Variants in MYO6 observed in about 807,000 individuals in gnomAD.
The protein encoded by MYO6 is unconventional myosin-VI.
A neutral mutation model predicts 178.7 loss-of-function variants in MYO6; 74 were observed. The ratio of observed to expected loss-of-function variants is 0.41; its 90% CI spans 0.34 to 0.50. MYO6 has a LOEUF of 0.50. MYO6 is among the 20% of genes least tolerant of loss of function. MYO6 has a pLI of 0.09. For missense variants in MYO6, 1,330 were observed against 1,547.4 expected (o/e 0.86, Z 2.36); for synonymous variants, 477 against 504.6 (o/e 0.95, Z 0.73).
At chr6:75,894,695 A>T (rs991923423) in intron 28 of MYO6, 17 of 579,914 alleles carry the variant, frequency 2.9e-5, no homozygotes, top group Non-Finnish European at 4.4e-5. Flanking sequence ...TATGAGTAAG[A>T]ACTAAGTAAA....
chr6:75,859,470 T>A (rs1776008102), intron 14 of MYO6, among the ~76,000 whole-genome samples: 1 of 151,128 alleles, frequency 6.6e-6, no homozygotes, highest in South Asian at 2.1e-4. Flanking sequence ...CAACAAATTT[T>A]TGTATTTTTA....
intron 25 of MYO6, among the ~76,000 whole-genome samples, chr6:75,887,760 TCAGGAGATTGAGAC>T (rs1449852103): frequency 7.7e-6 from 1 of 129,836 alleles, no homozygotes; most frequent in East Asian, 2.4e-4. Context: ...GATCACAAGG[TCAGGAGATTGAGAC>T]CATCCTGGCT....
At chr6:75,874,199 A>G (rs1054806619) in intron 20 of MYO6, among the ~76,000 whole-genome samples, 1 of 152,160 alleles carries the variant, frequency 6.6e-6, no homozygotes, top group Non-Finnish European at 1.5e-5. Flanking sequence ...CCCCAACTAT[A>G]TAAGCTTCAG....
chr6:75,795,961 A>G (rs1768776166), intron 1 of MYO6, among the ~76,000 whole-genome samples: 1 of 152,222 alleles, frequency 6.6e-6, no homozygotes, highest in Non-Finnish European at 1.5e-5. Flanking sequence ...ACAAAGTCCC[A>G]TAAGATCTAT....
chr6:75,858,661 A>C (rs1335294703), intron 13 of MYO6, among the ~76,000 whole-genome samples: 1 of 152,134 alleles, frequency 6.6e-6, no homozygotes, highest in South Asian at 2.1e-4. Flanking sequence ...AGTATACAAC[A>C]TTTATCTCAT....
rs796540930 is a variant in MYO6 at position 75,917,077 on chromosome 6, A to T, written c.*2065A>T. ...ACGTACAGTAGATGCACATACACAC[A>T]GACACCCCTTTGCTGGAGAAACTTA... On this transcript the variant is annotated 3_prime_UTR_variant, in exon 35 of 35. Coordinates refer to ENST00000369977, the MANE Select transcript of MYO6 (RefSeq NM_004999.4). The T allele has an allele frequency of 3.9e-5, 6 of 152,530 alleles. No homozygotes were observed. The highest frequency in any genetic ancestry group is 1.4e-4 in the African/African-American group (6 of 41,586). The allele number at this position is 152,530 out of a possible 1,614,324, so 9.4% of individuals were successfully genotyped here.
At chr6:75,827,647 T>C (rs1772623496) in intron 3 of MYO6, among the ~76,000 whole-genome samples, 1 of 152,112 alleles carries the variant, frequency 6.6e-6, no homozygotes, top group African/African-American at 2.4e-5. Context: ...TAAACTGGTA[T>C]TGGAGCAGTA....
At chr6:75,860,554 A>G (rs1437831352) in intron 14 of MYO6, among the ~76,000 whole-genome samples, 1 of 152,248 alleles carries the variant, frequency 6.6e-6, no homozygotes, top group African/African-American at 2.4e-5. Flanking sequence ...TTAAGTGGAC[A>G]GTGCCTTCTA....
At chr6:75,836,859 A>AG (rs149763566) in intron 7 of MYO6, among the ~76,000 whole-genome samples, 2,463 of 152,290 alleles carry the variant, frequency 0.016, 69 homozygotes, top group African/African-American at 0.057. Flanking sequence ...TTGGGATTAT[A>AG]GGGGTGAGCC....
Position 75,892,519 on chromosome 6 carries a change from G to A in MYO6, c.2947-11G>A. ...AGAACTCTTGGTGAAATAGCTTTCT[G>A]CCCTTGTCAGGCTGAAGTGGAGGCA... On this transcript the variant is annotated splice_polypyrimidine_tract_variant and intron_variant, in intron 27 of 34. Coordinates refer to ENST00000369977, the MANE Select transcript of MYO6 (RefSeq NM_004999.4). The A allele has an allele frequency of 6.2e-7, 1 of 1,613,994 alleles. No individual in the cohort carries two copies. Among genetic ancestry groups the A allele is most frequent in the Non-Finnish European group, 8.5e-7 (1 of 1,180,010 alleles).
chr6:75,771,572 C>G, intron 1 of MYO6, among the ~76,000 whole-genome samples: 1 of 152,010 alleles, frequency 6.6e-6, no homozygotes, highest in Admixed American at 6.6e-5. Context: ...AATTAAGAAT[C>G]CTCCCAAATT....
intron 30 of MYO6, among the ~76,000 whole-genome samples, chr6:75,903,506 T>C (rs559516660): frequency 3.3e-5 from 5 of 152,110 alleles, no homozygotes; most frequent in African/African-American, 1.2e-4. Flanking sequence ...CTTTTGATCT[T>C]TGTTGGTTTA....
At chr6:75,878,630 T>G (rs1583342374) in intron 20 of MYO6, among the ~76,000 whole-genome samples, 2 of 152,254 alleles carry the variant, frequency 1.3e-5, no homozygotes, top group Admixed American at 6.5e-5. Flanking sequence ...ATTCACTGGT[T>G]TAAAAAGTCT....
chr6:75,762,651 C>T (rs1778053913), intron 1 of MYO6, among the ~76,000 whole-genome samples: 1 of 152,198 alleles, frequency 6.6e-6, no homozygotes, highest in Non-Finnish European at 1.5e-5. Flanking sequence ...CCTTCTGAGC[C>T]AGACTCACCC....
intron 29 of MYO6, among the ~76,000 whole-genome samples, chr6:75,896,997 T>G (rs1252704049): frequency 1.3e-5 from 2 of 152,330 alleles, no homozygotes; most frequent in Admixed American, 6.5e-5. Context: ...CTAGGTCAGG[T>G]GTATCTTGAT....
At chr6:75,858,142 G>A (rs1775884545) in intron 13 of MYO6, among the ~76,000 whole-genome samples, 2 of 151,904 alleles carry the variant, frequency 1.3e-5, no homozygotes, top group South Asian at 2.1e-4. Flanking sequence ...TTGTAAAGCC[G>A]AGTGTATCTT....
chr6:75,802,631 A>G (rs549808328), intron 1 of MYO6, among the ~76,000 whole-genome samples: 40 of 152,034 alleles, frequency 2.6e-4, no homozygotes, highest in African/African-American at 8.4e-4. Context: ...GACCACAGGC[A>G]TGCACCACTT....
intron 6 of MYO6, among the ~76,000 whole-genome samples, chr6:75,833,850 T>C (rs1230156903): frequency 6.6e-6 from 1 of 152,202 alleles, no homozygotes; most frequent in African/African-American, 2.4e-5. Context: ...AGGTTGACTT[T>C]TAATACCTTT....
intron 30 of MYO6, among the ~76,000 whole-genome samples, chr6:75,903,988 G>A (rs1350010091): frequency 4.6e-5 from 7 of 151,850 alleles, no homozygotes; most frequent in African/African-American, 1.7e-4. Context: ...CACTTATGAA[G>A]CTTAGTTTGG....
Sources: allele counts gnomAD v4.1 joint callset (sites outside exome capture counted in the v4.1 genomes callset), GRCh38; gene constraint gnomAD v4.1.1; transcripts MANE v1.5; gene names NCBI Gene and HGNC (gene_info 2026-07-23, HGNC 2026-07-21).